Variants in DAPK1 observed in about 807,000 individuals in gnomAD.
DAPK1 encodes death-associated protein kinase 1.
In DAPK1, 56 loss-of-function variants were observed where a neutral mutation model predicts 144.9. That is an observed-to-expected ratio of 0.39 (90% CI 0.31 to 0.48). The LOEUF is 0.48. DAPK1 is among the 20% of genes least tolerant of loss of function. The probability of loss-of-function intolerance (pLI) is 0.95; values close to 1 mark genes in which losing one functional copy is unlikely to be tolerated. For synonymous variants in DAPK1, 690 were observed against 749.0 expected, an observed-to-expected ratio of 0.92 and a Z score of 1.29; for missense variants, 1,454 against 1,875.4, an observed-to-expected ratio of 0.78 and a Z score of 4.15.
At chr9:87,645,699 A>G (rs1454876516) in intron 11 of DAPK1, among the ~76,000 whole-genome samples, 196 bp from the exon 12 acceptor site, 1 of 152,230 alleles carries the variant, frequency 6.6e-6, no homozygotes, top group Non-Finnish European at 1.5e-5. Context: ...TAAAGAGTAG[A>G]TAGTGCTTGT....
intron 20 of DAPK1, among the ~76,000 whole-genome samples, chr9:87,683,076 A>ATTTT (rs1824699433): frequency 1.8e-5 from 2 of 111,184 alleles, no homozygotes; most frequent in East Asian, 8.0e-4. Flanking sequence ...AAAAAAATTT[A>ATTTT]TTTTATTTAT....
intron 2 of DAPK1, among the ~76,000 whole-genome samples, chr9:87,569,081 C>T (rs1827239107): frequency 6.6e-6 from 1 of 152,096 alleles, no homozygotes; most frequent in Non-Finnish European, 1.5e-5. Flanking sequence ...TTTGCATTAA[C>T]CTCAGTGGTT....
At chr9:87,626,937 T>C (rs1438330266) in intron 3 of DAPK1, among the ~76,000 whole-genome samples, 1 of 152,072 alleles carries the variant, frequency 6.6e-6, no homozygotes, top group Admixed American at 6.5e-5. Flanking sequence ...GTGCATGCTT[T>C]TGGGGAGGTA....
rs375348351 is a variant in DAPK1, at chr9:87,566,584, G to A, written c.63-38370G>A. 2.3e-4 allele frequency among the ~76,000 whole-genome samples: 35 copies of A among 152,258 alleles called. No homozygotes were observed. In the East Asian group the frequency reaches 5.4e-3, roughly 24 times the overall value. Reference sequence around the variant, plus strand: ...ATAAGTAAGCTCAGGTTATTTAAAGGATCTACCAAAAATAAGGTGAGGAGA... The same window carrying A: ...ATAAGTAAGCTCAGGTTATTTAAAGAATCTACCAAAAATAAGGTGAGGAGA... On this transcript the variant is annotated intron_variant, in intron 2 of 25. Transcript: ENST00000408954.
chr9:87,532,637 A>G (rs1430491685), intron 2 of DAPK1, among the ~76,000 whole-genome samples: 1 of 152,234 alleles, frequency 6.6e-6, no homozygotes, highest in East Asian at 1.9e-4. Context: ...AAAATGCTAG[A>G]CAATGAAAGA....
intron 2 of DAPK1, among the ~76,000 whole-genome samples, chr9:87,516,486 C>T (rs936042698): frequency 2.0e-5 from 3 of 152,082 alleles, no homozygotes; most frequent in African/African-American, 7.2e-5. Flanking sequence ...CTGCTCTGTC[C>T]CAAGGGTGAT....
chr9:87,502,745 ATAGACTGCCCAG>A (rs1167695105), intron 2 of DAPK1, among the ~76,000 whole-genome samples: 1 of 152,200 alleles, frequency 6.6e-6, no homozygotes, highest in African/African-American at 2.4e-5. Flanking sequence ...GTCCATGACC[ATAGACTGCCCAG>A]TGACATGTTT....
At chr9:87,648,508 G>T in intron 14 of DAPK1, 1 of 404,264 alleles carries the variant, frequency 2.5e-6, no homozygotes, top group Non-Finnish European at 4.4e-6. Context: ...AGAAGACTGA[G>T]AACAGCTATC....
At chr9:87,657,921 C>A in intron 17 of DAPK1, 108 bp from the exon 18 acceptor site, 1 of 710,066 alleles carries the variant, frequency 1.4e-6, no homozygotes. Context: ...TGGCTCCTTC[C>A]TCCTTTCTGG....
chr9:87,503,685 G>A (rs1328551706), intron 2 of DAPK1, among the ~76,000 whole-genome samples: 3 of 152,102 alleles, frequency 2.0e-5, no homozygotes, highest in Admixed American at 2.0e-4. Flanking sequence ...ATGTATTAGG[G>A]CCTCAACAAA....
rs1280244737 is a variant in DAPK1, at chr9:87,647,301, G to T, written c.1231-4G>T. ...AATGTGACCCCAGGTTGATTTTCCT[G>T]CAGGGCGGGTCCAATGCCGTCTACT... On this transcript the variant is annotated splice_region_variant and splice_polypyrimidine_tract_variant and intron_variant, in intron 13 of 25. Coordinates refer to ENST00000408954, the MANE Select transcript of DAPK1 (RefSeq NM_004938.4). 1 of 1,613,830 alleles carries T rather than the reference G, an allele frequency of 6.2e-7. No individual in the cohort carries two copies. The highest frequency in any genetic ancestry group is 8.5e-7 in the Non-Finnish European group (1 of 1,179,734).
At chr9:87,581,712 C>G (rs1006414613) in intron 2 of DAPK1, among the ~76,000 whole-genome samples, 1 of 152,202 alleles carries the variant, frequency 6.6e-6, no homozygotes, top group Non-Finnish European at 1.5e-5. Context: ...GCCTACAAAA[C>G]AGAGTCAGCC....
At chr9:87,630,046 A>G (rs1048415948) in intron 3 of DAPK1, among the ~76,000 whole-genome samples, 7 of 152,134 alleles carry the variant, frequency 4.6e-5, no homozygotes, top group African/African-American at 1.4e-4. Context: ...AGGTGCCCAG[A>G]CAGCCCCCGA....
Position 87,510,184 on chromosome 9 carries a change from T to G in DAPK1, c.62+11045T>G, listed in dbSNP as rs376488196. 4.6e-5 allele frequency among the ~76,000 whole-genome samples: 7 copies of G among 152,326 alleles called. No individual in the cohort carries two copies. In the South Asian group the frequency reaches 1.2e-3, roughly 27 times the overall value. ...CCACCCCTTCGTTGGCTGGAAGAGA[T>G]AACGCTTGACACGTATGGAGCAGAC... On this transcript the variant is annotated intron_variant, in intron 2 of 25. Coordinates refer to ENST00000408954, the MANE Select transcript of DAPK1 (RefSeq NM_004938.4).
intron 24 of DAPK1, among the ~76,000 whole-genome samples, chr9:87,702,344 C>G (rs1357807504): frequency 6.6e-6 from 1 of 152,160 alleles, no homozygotes; most frequent in Non-Finnish European, 1.5e-5. Context: ...GGTTAAAAAT[C>G]CACTTCAGCC....
intron 3 of DAPK1, among the ~76,000 whole-genome samples, chr9:87,606,524 T>C (rs1464283360): frequency 1.4e-4 from 14 of 97,690 alleles, no homozygotes; most frequent in Admixed American, 3.0e-4. Context: ...CTTCCTTCCT[T>C]CCTTCCTTCC....
intron 3 of DAPK1, among the ~76,000 whole-genome samples, chr9:87,615,077 AC>A (rs1388036003): frequency 3.9e-5 from 6 of 152,340 alleles, no homozygotes; most frequent in Non-Finnish European, 7.3e-5. Context: ...CAGGTCAGTG[AC>A]AGTCTTCCCA....
chr9:87,657,004 G>A (rs1269114781), intron 17 of DAPK1, among the ~76,000 whole-genome samples: 2 of 152,100 alleles, frequency 1.3e-5, no homozygotes, highest in Non-Finnish European at 2.9e-5. Flanking sequence ...AAAAGAGCAT[G>A]TGTTAACTTT....
At chr9:87,649,559 A>T (rs964159642) in intron 15 of DAPK1, among the ~76,000 whole-genome samples, 2 of 152,240 alleles carry the variant, frequency 1.3e-5, no homozygotes, top group African/African-American at 2.4e-5. Context: ...TATTAGAAAG[A>T]TGCTGCAATG....
Sources: gnomAD v4.1 joint callset for allele counts (sites outside exome capture counted in the v4.1 genomes callset) on GRCh38, gnomAD v4.1.1 for gene constraint, MANE v1.5 for transcripts, NCBI Gene and HGNC (gene_info 2026-07-23, HGNC 2026-07-21) for gene names.